Variants in RGS6 observed in about 807,000 individuals in gnomAD.
RGS6 encodes regulator of G-protein signaling 6.
In RGS6, 30 loss-of-function variants were observed where a neutral mutation model predicts 78.5. That is an observed-to-expected ratio of 0.38 (90% CI 0.29 to 0.52). The LOEUF (loss-of-function observed/expected upper bound fraction) is 0.52. Among genes scored for constraint, RGS6 ranks in the 20% least tolerant of loss-of-function variants. The pLI is 0.85. For missense variants in RGS6, 495 were observed against 609.7 expected (o/e 0.81, Z 1.98); for synonymous variants, 206 against 206.0 (o/e 1.00, Z 0.00).
At chr14:72,148,004 G>T (rs146820308) in intron 2 of RGS6, among the ~76,000 whole-genome samples, 1 of 151,906 alleles carries the variant, frequency 6.6e-6, no homozygotes, top group Non-Finnish European at 1.5e-5. Context: ...GGTGGCAGGC[G>T]TCTGTAGTCC....
intron 1 of RGS6, among the ~76,000 whole-genome samples, chr14:71,960,225 T>C (rs1282951237): frequency 1.3e-5 from 2 of 152,234 alleles, no homozygotes; most frequent in Non-Finnish European, 2.9e-5. Context: ...TGTCCTATTA[T>C]GCATAGAGCA....
chr14:72,561,683 T>C (rs971535418), intron 17 of RGS6, among the ~76,000 whole-genome samples: 1 of 152,200 alleles, frequency 6.6e-6, no homozygotes, highest in Non-Finnish European at 1.5e-5. Flanking sequence ...GTTCACTGTT[T>C]TAGTTTTTGA....
intron 2 of RGS6, among the ~76,000 whole-genome samples, chr14:72,167,210 T>C (rs2096940082): frequency 6.6e-6 from 1 of 152,210 alleles, no homozygotes; most frequent in South Asian, 2.1e-4. Flanking sequence ...CTTAGGACGG[T>C]TGGACTGGGG....
intron 6 of RGS6, among the ~76,000 whole-genome samples, chr14:72,462,012 G>A (rs1460213399): frequency 6.6e-6 from 1 of 152,156 alleles, no homozygotes; most frequent in Non-Finnish European, 1.5e-5. Context: ...GATGTTGGTT[G>A]ATATTATTAT....
At chr14:72,097,703 C>G (rs1361333709) in intron 2 of RGS6, among the ~76,000 whole-genome samples, 1 of 152,214 alleles carries the variant, frequency 6.6e-6, no homozygotes, top group Admixed American at 6.5e-5. Context: ...GGAAGACTCC[C>G]ACTTAGCCCA....
chr14:72,385,143 T>C (rs192605494), intron 3 of RGS6, among the ~76,000 whole-genome samples: 1 of 152,326 alleles, frequency 6.6e-6, no homozygotes, highest in African/African-American at 2.4e-5. Flanking sequence ...CCATGTCGTT[T>C]ATAGGATAAT....
chr14:72,172,416 T>C (rs1314763131), intron 2 of RGS6, among the ~76,000 whole-genome samples: 3 of 151,968 alleles, frequency 2.0e-5, no homozygotes, highest in Non-Finnish European at 4.4e-5. Context: ...GGTTGTGGTT[T>C]TTAATGTTTA....
chr14:72,361,572 C>T (rs2152792707), intron 3 of RGS6, among the ~76,000 whole-genome samples: 1 of 152,042 alleles, frequency 6.6e-6, no homozygotes, highest in East Asian at 1.9e-4. Flanking sequence ...AAGATATAAC[C>T]ATAGGAACAA....
At chr14:72,371,788 C>G (rs557465559) in intron 3 of RGS6, among the ~76,000 whole-genome samples, 19 of 152,268 alleles carry the variant, frequency 1.2e-4, no homozygotes, top group Admixed American at 5.9e-4. Flanking sequence ...ATAAAACATT[C>G]TGTTTCCAAT....
chr14:72,205,132 C>T (rs2042419070), intron 2 of RGS6, among the ~76,000 whole-genome samples: 1 of 152,172 alleles, frequency 6.6e-6, no homozygotes. Flanking sequence ...AGCAGAGCTT[C>T]CTGTAAGGAA....
intron 2 of RGS6, among the ~76,000 whole-genome samples, chr14:72,203,129 C>T (rs900919496): frequency 2.0e-5 from 3 of 152,110 alleles, no homozygotes; most frequent in African/African-American, 7.2e-5. Context: ...CCCGCCTCGG[C>T]CTCCCAAAGT....
intron 3 of RGS6, among the ~76,000 whole-genome samples, chr14:72,414,827 T>G (rs1017474707): frequency 6.6e-6 from 1 of 152,214 alleles, no homozygotes; most frequent in African/African-American, 2.4e-5. Flanking sequence ...CTCCAGAGCC[T>G]GTTTACCTGC....
chr14:72,421,977 G>T (rs1395227390), intron 3 of RGS6, among the ~76,000 whole-genome samples: 1 of 152,188 alleles, frequency 6.6e-6, no homozygotes, highest in Non-Finnish European at 1.5e-5. Context: ...CACATGTTGT[G>T]GGAGGGACCT....
the RGS6 span, among the ~76,000 whole-genome samples, chr14:71,881,539 G>A: frequency 1.3e-5 from 2 of 152,252 alleles, no homozygotes; most frequent in South Asian, 4.1e-4. Context: ...CGTCTCAAGA[G>A]GTCTGATGGC....
intron 3 of RGS6, among the ~76,000 whole-genome samples, chr14:72,378,519 A>G (rs1028420235): frequency 3.1e-4 from 47 of 152,146 alleles, no homozygotes; most frequent in Admixed American, 1.3e-4. Context: ...AAACATCACA[A>G]TGAATACCAC....
intron 2 of RGS6, among the ~76,000 whole-genome samples, chr14:72,024,607 A>C (rs1396819330): frequency 1.3e-5 from 2 of 152,170 alleles, no homozygotes; most frequent in Non-Finnish European, 2.9e-5. Flanking sequence ...CAGCTACCTG[A>C]TGAGTACCTA....
chr14:72,091,196 C>T (rs2095258753), intron 2 of RGS6, among the ~76,000 whole-genome samples: 1 of 152,174 alleles, frequency 6.6e-6, no homozygotes, highest in African/African-American at 2.4e-5. Flanking sequence ...TCCCACTCCC[C>T]GCTGCCTGCT....
chr14:72,307,971 T>G (rs761741229), intron 2 of RGS6, among the ~76,000 whole-genome samples: 3 of 152,182 alleles, frequency 2.0e-5, no homozygotes, highest in Non-Finnish European at 4.4e-5. Flanking sequence ...TAGTAGTCTT[T>G]CCTTCCTTTG....
chr14:72,610,632 C>T, the RGS6 span, among the ~76,000 whole-genome samples: 7 of 152,190 alleles, frequency 4.6e-5, no homozygotes, highest in Non-Finnish European at 7.3e-5. Flanking sequence ...GTGAATCGAC[C>T]GTGTGACGTA....
Sources: allele counts gnomAD v4.1 joint callset (sites outside exome capture counted in the v4.1 genomes callset), GRCh38; gene constraint gnomAD v4.1.1; transcripts MANE v1.5; gene names NCBI Gene and HGNC (gene_info 2026-07-23, HGNC 2026-07-21).